MAN2B2: variants seen among roughly 807,000 people sequenced by gnomAD.
The protein encoded by MAN2B2 is epididymis-specific alpha-mannosidase.
MAN2B2 carries 106 observed loss-of-function variants against 117.1 expected under a neutral mutation model. The ratio of observed to expected loss-of-function variants is 0.90; its 90% CI spans 0.77 to 1.06. The LOEUF is 1.06. Among genes scored for constraint, MAN2B2 ranks in the 50% least tolerant of loss-of-function variants. The pLI, the probability that MAN2B2 is intolerant of heterozygous loss-of-function variation, is 0.00. For synonymous variants in MAN2B2, 544 were observed against 595.1 expected, an observed-to-expected ratio of 0.91 and a Z score of 1.25; for missense variants, 1,326 against 1,381.4, an observed-to-expected ratio of 0.96 and a Z score of 0.64.
Position 6,598,244 on chromosome 4 carries a change from G to C in MAN2B2, c.1295G>C (p.Arg432Thr). Residue 432 changes from arginine to threonine, a missense_variant, in exon 9 of 19, where the codon AGA becomes ACA. By Grantham distance (71) the Arg-to-Thr change is moderately conservative. Coordinates refer to ENST00000285599, the MANE Select transcript of MAN2B2 (RefSeq NM_015274.3). ...ACTGGGACTGAGTCCCCCAAGGTGA[G>C]AGACATGTACGCAACGCACCTGGCC... ...AITGTESPKV[R>T]DMYATHLASG... 1.2e-6 allele frequency: 2 copies of C among 1,613,800 alleles called. No homozygotes were observed. Among genetic ancestry groups the C allele is most frequent in the African/African-American group, 1.3e-5 (1 of 75,070 alleles).
At position 6,587,750 on chromosome 4, in the gene MAN2B2, G is replaced by GTTTTTTT. The variant is rs201846526; in HGVS notation, c.564+598_564+604dup. Among the ~76,000 whole-genome samples, 325 of 113,408 alleles carry GTTTTTTT rather than the reference G, an allele frequency of 2.9e-3. 3 individuals carry two copies. Among genetic ancestry groups the GTTTTTTT allele is most frequent in the African/African-American group, 4.3e-3 (113 of 26,362 alleles). The allele number at this position is 113,408 out of a possible 152,430, so 74.4% of individuals were successfully genotyped here. A position where few individuals can be genotyped will look rare whatever the true frequency, so the allele number is the denominator to read the frequency against. ...GTTTTTTGGGGTCTTTTGGGTTGTT[G>GTTTTTTT]TTTTTTTTTTTTTTTTTTTTTTGAG... On this transcript the variant is annotated intron_variant, in intron 4 of 18. Transcript: ENST00000285599.
At chr4:6,579,768 C>G (rs1726358488) in intron 3 of MAN2B2, among the ~76,000 whole-genome samples, 1 of 152,236 alleles carries the variant, frequency 6.6e-6, no homozygotes. Flanking sequence ...TCTCCCTCAC[C>G]ATTGTGTCCA....
At position 6,599,537 on chromosome 4, in the gene MAN2B2, G is replaced by A. The variant is rs190462716; in HGVS notation, c.1406-1086G>A. On this transcript the variant is annotated intron_variant, in intron 9 of 18. Coordinates refer to ENST00000285599, the MANE Select transcript of MAN2B2 (RefSeq NM_015274.3). Reference sequence around the variant, plus strand: ...AAATGAGCCGGGTGTGGTGGCGGGCGCCTGTAGTCCCAGCTACTCAGGGGC... The same window carrying A: ...AAATGAGCCGGGTGTGGTGGCGGGCACCTGTAGTCCCAGCTACTCAGGGGC... 8.4e-3 allele frequency among the ~76,000 whole-genome samples: 1,275 copies of A among 152,112 alleles called. 18 individuals are homozygous for A. The highest frequency in any genetic ancestry group is 0.029 in the African/African-American group (1,189 of 41,504).
Position 6,614,374 on chromosome 4 carries a change from C to T in MAN2B2, c.2701+19C>T, listed in dbSNP as rs771209267. 3.9e-5 allele frequency: 62 copies of T among 1,610,214 alleles called. 2 individuals carry two copies. The highest frequency in any genetic ancestry group is 3.5e-4 in the South Asian group (32 of 90,932). On this transcript the variant is annotated intron_variant, in intron 16 of 18. Transcript: ENST00000285599. ...CGGAAAGGTGAGGCAGGTGCCCTGG[C>T]GTCTCAGACCTGCTCCTCCCTCCCT...
chr4:6,597,697 A>G (rs776997726), intron 8 of MAN2B2, among the ~76,000 whole-genome samples: 2 of 152,190 alleles, frequency 1.3e-5, no homozygotes, highest in Non-Finnish European at 2.9e-5. Context: ...GCCCAGGAGG[A>G]CGGTGGGGCA....
intron 3 of MAN2B2, 83 bp downstream of exon 3, chr4:6,578,581 AGC>A: frequency 8.5e-7 from 1 of 1,173,028 alleles, no homozygotes; most frequent in Non-Finnish European, 1.2e-6. Flanking sequence ...CCAGGTTCTG[AGC>A]TCTGTCTGCC....
At chr4:6,603,152 T>A (rs1383191348) in intron 10 of MAN2B2, among the ~76,000 whole-genome samples, 1 of 152,020 alleles carries the variant, frequency 6.6e-6, no homozygotes, top group South Asian at 2.1e-4. Flanking sequence ...TTAATGGAGG[T>A]GCCGATGTTA....
Position 6,598,278 on chromosome 4 carries a change from G to A in MAN2B2, c.1329G>A (p.Met443Ile). The change falls in exon 9 of 19, where the codon ATG becomes ATA. Residue 443 changes from methionine to isoleucine, a missense_variant. Transcript: ENST00000285599. Reference protein sequence around the residue: ...DMYATHLASGMLGMRKLMASI... With the variant: ...DMYATHLASGILGMRKLMASI... Reference sequence around the variant, plus strand: ...ACGCAACGCACCTGGCCTCGGGGATGCTGGGCATGCGCAAGCTGATGGCCT... The same window carrying A: ...ACGCAACGCACCTGGCCTCGGGGATACTGGGCATGCGCAAGCTGATGGCCT... The A allele has an allele frequency of 4.3e-6, 7 of 1,613,696 alleles. No individual in the cohort carries two copies. The highest frequency in any genetic ancestry group is 5.9e-6 in the Non-Finnish European group (7 of 1,180,040).
chr4:6,591,390 T>C (rs6847759), intron 5 of MAN2B2, among the ~76,000 whole-genome samples: 58,820 of 152,154 alleles, frequency 0.39, 11,395 homozygotes, highest in East Asian at 0.47. Context: ...GCTCACACCT[T>C]ACTCGCCAAG....
At chr4:6,586,053 G>GTTTTTTTTTTTTTTGTTTTTTTTTTTTT (rs759999292) in intron 3 of MAN2B2, among the ~76,000 whole-genome samples, 1 of 143,926 alleles carries the variant, frequency 6.9e-6, no homozygotes, top group African/African-American at 2.6e-5. Context: ...TTTTCTTGTG[G>GTTTTTTTTTTTTTTGTTTTTTTTTTTTT]TTTTTTTTTT....
rs571682574 is a variant in MAN2B2 at position 6,621,632 on chromosome 4, G to A, written c.*347G>A. On this transcript the variant is annotated 3_prime_UTR_variant, in exon 19 of 19. Coordinates refer to ENST00000285599, the MANE Select transcript of MAN2B2 (RefSeq NM_015274.3). Reference sequence around the variant, plus strand: ...ACAAGACTCACAGCAGCACCGAAGCGCATCTGCCGTCCGGGCCCTGCCAGG... The same window carrying A: ...ACAAGACTCACAGCAGCACCGAAGCACATCTGCCGTCCGGGCCCTGCCAGG... 3.6e-4 allele frequency: 68 copies of A among 188,312 alleles called. 1 individual carries two copies. Among genetic ancestry groups the A allele is most frequent in the African/African-American group, 1.1e-3 (48 of 42,656 alleles). The allele number at this position is 188,312 out of a possible 1,614,324, so 11.7% of individuals were successfully genotyped here. A position where few individuals can be genotyped will look rare whatever the true frequency, so the allele number is the denominator to read the frequency against.
intron 8 of MAN2B2, 31 bp from the exon 9 acceptor site, chr4:6,598,167 T>G: frequency 6.2e-7 from 1 of 1,605,954 alleles, no homozygotes; most frequent in Non-Finnish European, 8.5e-7. Flanking sequence ...GTCCTGATCC[T>G]GTTCTTCCTC....
chr4:6,604,293 G>C (rs1727446091), intron 10 of MAN2B2, among the ~76,000 whole-genome samples: 1 of 152,156 alleles, frequency 6.6e-6, no homozygotes, highest in South Asian at 2.1e-4. Flanking sequence ...TGCAGTGGAT[G>C]GGTTGGTAGG....
chr4:6,616,054 T>C (rs1711851735), intron 16 of MAN2B2, among the ~76,000 whole-genome samples: 1 of 152,170 alleles, frequency 6.6e-6, no homozygotes, highest in Non-Finnish European at 1.5e-5. Context: ...TCCGCCCTCC[T>C]TGGCCTCCCA....
At chr4:6,579,100 CACCACCACCATCACCATCACCACT>C (rs1726218813) in intron 3 of MAN2B2, among the ~76,000 whole-genome samples, 1 of 54,564 alleles carries the variant, frequency 1.8e-5, no homozygotes, top group African/African-American at 7.4e-5. Context: ...CCATCACCAG[CACCACCACCATCACCATCACCACT>C]ACCACCACCA....
chr4:6,614,702 A>G (rs1427166997), intron 16 of MAN2B2, among the ~76,000 whole-genome samples: 3 of 152,164 alleles, frequency 2.0e-5, no homozygotes, highest in African/African-American at 4.8e-5. Context: ...AACCTCCTGG[A>G]GCCCCCAAAC....
intron 18 of MAN2B2, chr4:6,620,261 G>A (rs1278349395): frequency 1.9e-6 from 1 of 515,830 alleles, no homozygotes; most frequent in African/African-American, 1.9e-5. Flanking sequence ...ACACAGGCGT[G>A]TGTGTGCACT....
rs776078513 is a variant in MAN2B2 at position 6,617,498 on chromosome 4, C to T, written c.2814+6C>T. The T allele has an allele frequency of 6.2e-7, 1 of 1,613,944 alleles. No individual in the cohort carries two copies. On this transcript the variant is annotated splice_donor_region_variant and intron_variant, in intron 17 of 18. Coordinates refer to ENST00000285599, the MANE Select transcript of MAN2B2 (RefSeq NM_015274.3). ...CAGTGACAGTGAATCTGGAGGTGAA[C>T]TTCCCCACCCCCATCCAGACCATAA...
chr4:6,610,963 C>A lies in MAN2B2; in HGVS notation c.2343C>A (p.Ile781=), dbSNP rs774987342. Residue 781 remains isoleucine (I), a synonymous_variant, in exon 14 of 19, where the codon ATC becomes ATA. Coordinates refer to ENST00000285599, the MANE Select transcript of MAN2B2 (RefSeq NM_015274.3). Reference sequence around the variant, plus strand: ...TGCTGTCGGAGCGGGCACATGGCATCTCCAGCCAAGGGAATGGGCAGGTGG... The same window carrying A: ...TGCTGTCGGAGCGGGCACATGGCATATCCAGCCAAGGGAATGGGCAGGTGG... ...LVLLSERAHG[I]SSQGNGQVEV... is the part of the protein sequence containing the mutation. The A allele has an allele frequency of 1.9e-6, 3 of 1,614,212 alleles. No individual in the cohort carries two copies. Among genetic ancestry groups the A allele is most frequent in the Non-Finnish European group, 2.5e-6 (3 of 1,180,020 alleles).
Sources: gnomAD v4.1 joint callset for allele counts (sites outside exome capture counted in the v4.1 genomes callset) on GRCh38, gnomAD v4.1.1 for gene constraint, MANE v1.5 for transcripts, NCBI Gene and HGNC (gene_info 2026-07-23, HGNC 2026-07-21) for gene names.